Variants in PKHD1 observed in about 807,000 individuals in gnomAD.
PKHD1 encodes PKHD1 ciliary IPT domain containing fibrocystin/polyductin, also known as fibrocystin.
PKHD1 carries 291 observed loss-of-function variants against 412.0 expected under a neutral mutation model. That is an observed-to-expected ratio of 0.71 (90% CI 0.64 to 0.78). The LOEUF is 0.78. Ranked by LOEUF, PKHD1 falls within the 30% of genes least tolerant of loss-of-function variation. The probability of loss-of-function intolerance (pLI) is 0.00; values close to 1 mark genes in which losing one functional copy is unlikely to be tolerated. For synonymous variants in PKHD1, 1,777 were observed against 1,821.5 expected, an observed-to-expected ratio of 0.98 and a Z score of 0.62; for missense variants, 4,825 against 4,950.7, an observed-to-expected ratio of 0.97 and a Z score of 0.76.
intron 55 of PKHD1, among the ~76,000 whole-genome samples, chr6:51,762,649 AT>A (rs1293370741): frequency 3.4e-4 from 18 of 53,590 alleles, no homozygotes; most frequent in Non-Finnish European, 3.8e-4. Context: ...CATTATTCAC[AT>A]ATATATATAT....
chr6:51,888,631 T>C (rs1303336081), intron 43 of PKHD1, among the ~76,000 whole-genome samples: 1 of 151,882 alleles, frequency 6.6e-6, no homozygotes, highest in African/African-American at 2.4e-5. Flanking sequence ...GGATGATTTT[T>C]CCACAGTCCT....
intron 36 of PKHD1, among the ~76,000 whole-genome samples, chr6:51,954,874 A>T (rs1479865558): frequency 6.6e-6 from 1 of 151,958 alleles, no homozygotes; most frequent in Admixed American, 6.6e-5. Flanking sequence ...TGATGACCAG[A>T]TCAGAAAGAG....
At chr6:51,864,011 T>G (rs1253231520) in intron 48 of PKHD1, among the ~76,000 whole-genome samples, 1 of 152,128 alleles carries the variant, frequency 6.6e-6, no homozygotes, top group Non-Finnish European at 1.5e-5. Context: ...CTATAAGTAC[T>G]GATTAGAGCA....
chr6:51,703,873 A>T (rs1373391926), intron 60 of PKHD1, among the ~76,000 whole-genome samples: 1 of 152,082 alleles, frequency 6.6e-6, no homozygotes, highest in Non-Finnish European at 1.5e-5. Flanking sequence ...TGGAAAGCTC[A>T]TCTGGAAATA....
intron 7 of PKHD1, among the ~76,000 whole-genome samples, chr6:52,072,476 G>T (rs576797194): frequency 1.3e-5 from 2 of 152,220 alleles, no homozygotes; most frequent in East Asian, 3.9e-4. Context: ...AGATAATATT[G>T]CATTTATGCC....
intron 43 of PKHD1, among the ~76,000 whole-genome samples, chr6:51,895,973 G>A (rs572574728): frequency 6.9e-4 from 105 of 152,214 alleles, no homozygotes; most frequent in African/African-American, 2.1e-3. Context: ...CTTAAAAAAC[G>A]GCACACCACA....
chr6:51,966,542 G>A (rs1476666267), intron 35 of PKHD1, among the ~76,000 whole-genome samples: 4 of 152,058 alleles, frequency 2.6e-5, no homozygotes, highest in Admixed American at 2.6e-4. Context: ...AAAAAATGTA[G>A]GTATTACTCT....
chr6:51,732,510 A>G (rs951128384), intron 60 of PKHD1, among the ~76,000 whole-genome samples: 23 of 152,228 alleles, frequency 1.5e-4, no homozygotes, highest in African/African-American at 5.3e-4. Flanking sequence ...TCTCCAAAAA[A>G]GATATTCAAA....
chr6:51,977,619 C>G (rs533903974), intron 35 of PKHD1, among the ~76,000 whole-genome samples: 3 of 152,328 alleles, frequency 2.0e-5, no homozygotes, highest in Admixed American at 2.0e-4. Context: ...TAGTCCTTAC[C>G]CCACACTGCC....
chr6:51,965,409 CA>C (rs1446923352), intron 35 of PKHD1, among the ~76,000 whole-genome samples: 1 of 152,004 alleles, frequency 6.6e-6, no homozygotes, highest in Non-Finnish European at 1.5e-5. Flanking sequence ...GATTATAAAA[CA>C]AAAGATAGTG....
chr6:51,839,985 C>G (rs1769887390), intron 50 of PKHD1, among the ~76,000 whole-genome samples: 1 of 152,012 alleles, frequency 6.6e-6, no homozygotes, highest in Non-Finnish European at 1.5e-5. Flanking sequence ...AGCCCCAGCT[C>G]TGTCTTCTTG....
chr6:51,627,371 A>G lies in PKHD1; in HGVS notation c.11666-255T>C, dbSNP rs2771015. On this transcript the variant is annotated intron_variant, in intron 65 of 66. Coordinates refer to ENST00000371117, the MANE Select transcript of PKHD1 (RefSeq NM_138694.4). The stretch of plus-strand genomic sequence containing the variant: ...GCTACTGATCACTTAAAATGTTACT[A>G]GTTAAATTGAGATGTATTGTAAGTA... Among the ~76,000 whole-genome samples, 6,515 of 152,182 alleles carry G rather than the reference A, an allele frequency of 0.043. 236 individuals are homozygous for G. The highest frequency in any genetic ancestry group is 0.093 in the African/African-American group (3,862 of 41,544).
intron 33 of PKHD1, 143 bp downstream of exon 33, chr6:52,022,658 T>C: frequency 1.3e-6 from 1 of 778,298 alleles, no homozygotes; most frequent in African/African-American, 1.7e-5. Flanking sequence ...TCATTTTAGA[T>C]GAGGAGTAGA....
chr6:51,823,336 T>C (rs1202743115), intron 52 of PKHD1, among the ~76,000 whole-genome samples: 1 of 152,138 alleles, frequency 6.6e-6, no homozygotes, highest in Admixed American at 6.6e-5. Context: ...CACCCCATGA[T>C]CTTTACATCC....
At chr6:51,898,842 C>T (rs918576870) in intron 43 of PKHD1, among the ~76,000 whole-genome samples, 35 of 151,592 alleles carry the variant, frequency 2.3e-4, no homozygotes, top group African/African-American at 7.5e-4. Context: ...ATATCACCAC[C>T]GATCCCACAG....
In PKHD1 at chr6:51,777,679, GAAAAAAAAAAAAAAAAAA is replaced by G. The variant is rs59379021; in HGVS notation, c.8441-1776_8441-1759del. On this transcript the variant is annotated intron_variant, in intron 53 of 66. Transcript: ENST00000371117. ...ACGGAGGGTAGTTTAGAGTCTTTGG[GAAAAAAAAAAAAAAAAAA>G]AAAAAAAAAAAAAAAAGTGGCCTAG... Among the ~76,000 whole-genome samples the G allele has an allele frequency of 6.0e-3, 711 of 118,824 alleles. 2 individuals carry two copies. The highest frequency in any genetic ancestry group is 0.021 in the African/African-American group (610 of 29,276). The allele number at this position is 118,824 out of a possible 152,430, so 78.0% of individuals were successfully genotyped here.
chr6:51,688,898 A>T (rs1777796702), intron 60 of PKHD1, among the ~76,000 whole-genome samples: 1 of 152,208 alleles, frequency 6.6e-6, no homozygotes, highest in African/African-American at 2.4e-5. Flanking sequence ...AGTCAAATTC[A>T]CAGCCGAATT....
rs1260550153 is a variant in PKHD1 at position 51,615,522 on chromosome 6, A to G, written c.*3559T>C. The G allele has an allele frequency of 6.6e-6, 1 of 152,208 alleles. No homozygotes were observed. Among genetic ancestry groups the G allele is most frequent in the East Asian group, 1.9e-4 (1 of 5,202 alleles). The allele number at this position is 152,208 out of a possible 1,614,324, so 9.4% of individuals were successfully genotyped here. The stretch of plus-strand genomic sequence containing the variant: ...AGTTTTTTCAAAATTGGCATAGACT[A>G]TAAGTTCTGAAAGCAAAATATGGAA... On this transcript the variant is annotated 3_prime_UTR_variant, in exon 67 of 67. Transcript: ENST00000371117.
intron 27 of PKHD1, 118 bp from the exon 28 acceptor site, chr6:52,035,839 G>C: frequency 2.0e-6 from 2 of 1,024,930 alleles, no homozygotes; most frequent in South Asian, 2.6e-5. Context: ...TCAAAACAAA[G>C]GCAATGCTCA....
Sources: gnomAD v4.1 joint callset for allele counts (sites outside exome capture counted in the v4.1 genomes callset) on GRCh38, gnomAD v4.1.1 for gene constraint, MANE v1.5 for transcripts, NCBI Gene and HGNC (gene_info 2026-07-23, HGNC 2026-07-21) for gene names.